The following ENTR1 variants were observed in gnomAD, a reference collection of about 807,000 sequenced individuals.
ENTR1 encodes endosome-associated-trafficking regulator 1.
In ENTR1, 47 loss-of-function variants were observed where a neutral mutation model predicts 47.9. The ratio of observed to expected loss-of-function variants is 0.98; its 90% CI spans 0.78 to 1.25. ENTR1 has a LOEUF of 1.25. Among genes scored for constraint, ENTR1 ranks in the 50% most tolerant of loss-of-function variants. The probability of loss-of-function intolerance (pLI) is 0.00; values close to 1 mark genes in which losing one functional copy is unlikely to be tolerated. For missense variants in ENTR1, 668 were observed against 570.5 expected (o/e 1.17, Z -1.74); for synonymous variants, 290 against 245.8 (o/e 1.18, Z -1.68).
At chr9:136,406,006 AAGTC>A in intron 5 of ENTR1, 28 bp from the exon 6 acceptor site, 1 of 1,562,118 alleles carries the variant, frequency 6.4e-7, no homozygotes, top group Non-Finnish European at 8.7e-7. Context: ...CCTTATTAGA[AAGTC>A]AGCATGTCTG....
chr9:136,402,823 T>A lies in ENTR1; in HGVS notation c.1273A>T (p.Ile425Phe). 6.2e-7 allele frequency: 1 copy of A among 1,612,994 alleles called. No individual in the cohort carries two copies. Among genetic ancestry groups the A allele is most frequent in the Non-Finnish European group, 8.5e-7 (1 of 1,179,764 alleles). ...TCCTCCTCGTCTTTAACTTCAGAAA[T>A]TCTGTCTATAGATTTAAGGATTTCG... is the stretch of plus-strand genomic sequence containing the variant. The part of the protein sequence containing the change: ...VAEILKSIDR[I>F]SEVKDEEEDS Residue 425 changes from isoleucine (I) to phenylalanine (F), a missense_variant, in exon 10 of 10, where the codon ATT (isoleucine) becomes TTT (phenylalanine). Transcript: ENST00000357365.
intron 9 of ENTR1, among the ~76,000 whole-genome samples, chr9:136,403,836 G>A (rs550762728): frequency 4.6e-5 from 7 of 152,292 alleles, no homozygotes; most frequent in South Asian, 2.1e-4. Flanking sequence ...GCACCTCCCA[G>A]GTGGGATCAG....
intron 6 of ENTR1, among the ~76,000 whole-genome samples, 158 bp downstream of exon 6, chr9:136,405,747 A>C (rs1834733277): frequency 1.3e-5 from 2 of 152,178 alleles, no homozygotes; most frequent in African/African-American, 4.8e-5. Flanking sequence ...CTCAAAATAA[A>C]CTTTTAGGCA....
chr9:136,410,224 T>G lies in ENTR1; in HGVS notation c.86A>C (p.Glu29Ala). ...LAIPDAPAFY[E>A]RRSCLPQLNC... is the part of the protein sequence containing the mutation. ...TAGCTGGGGGAGACAAGACCGGCGC[T>G]CATAGAACGCTGGAGCTGGAAGCAA... The change falls in exon 2 of 10, where the codon GAG (glutamate) becomes GCG (alanine). Residue 29 changes from glutamate (E) to alanine (A), a missense_variant. Glu to Ala is a moderately radical substitution (Grantham distance 107). Transcript: ENST00000357365. 6.3e-7 allele frequency: 1 copy of G among 1,584,396 alleles called. No homozygotes were observed. The highest frequency in any genetic ancestry group is 8.6e-7 in the Non-Finnish European group (1 of 1,166,608).
Position 136,408,976 on chromosome 9 carries a change from A to G in ENTR1, c.289+23T>C, listed in dbSNP as rs201265283. On this transcript the variant is annotated intron_variant, in intron 3 of 9. Transcript: ENST00000357365. Reference sequence around the variant, plus strand: ...CACTGTGTTGGATGGAGACAAGAAGAAAAGGTTGCTGAACTACTCTACCTC... The same window carrying G: ...CACTGTGTTGGATGGAGACAAGAAGGAAAGGTTGCTGAACTACTCTACCTC... The G allele has an allele frequency of 8.2e-5, 132 of 1,606,324 alleles. 1 individual carries two copies. In the African/African-American group the frequency reaches 1.4e-3, roughly 17 times the overall value.
rs1834638415 is a variant in ENTR1 at position 136,404,058 on chromosome 9, A to T, written c.1205T>A (p.Ile402Asn). The change falls in exon 9 of 10, where the codon ATC becomes AAC. Residue 402 changes from isoleucine to asparagine, a missense_variant. Coordinates refer to ENST00000357365, the MANE Select transcript of ENTR1 (RefSeq NM_001039707.2). ...RVVMNSAQAS[I>N]KQLVSGAETL... ...CCGGTGCCTCCCAGGCACTCACTTG[A>T]TGGAAGCCTGTGCACTGTTCATGAC... 6.3e-7 allele frequency: 1 copy of T among 1,584,156 alleles called. No homozygotes were observed. The highest frequency in any genetic ancestry group is 8.6e-7 in the Non-Finnish European group (1 of 1,161,962).
chr9:136,405,871 T>C (rs1377985256), intron 6 of ENTR1, 34 bp downstream of exon 6: 2 of 1,351,566 alleles, frequency 1.5e-6, no homozygotes, highest in Non-Finnish European at 2.1e-6. Context: ...TATTAGATGT[T>C]GTGGATTGCA....
chr9:136,409,974 C>G, intron 2 of ENTR1, 116 bp downstream of exon 2: 2 of 1,275,114 alleles, frequency 1.6e-6, no homozygotes, highest in Non-Finnish European at 2.3e-6. Context: ...GTGCCTGGCA[C>G]GCAGTGAGCG....
rs896593409 is a variant in ENTR1 at position 136,406,666 on chromosome 9, A to G, written c.819+479T>C. Among the ~76,000 whole-genome samples, 78 of 150,308 alleles carry G rather than the reference A, an allele frequency of 5.2e-4. 2 individuals carry two copies. The highest frequency in any genetic ancestry group is 6.0e-4 in the East Asian group (3 of 4,984). On this transcript the variant is annotated intron_variant, in intron 5 of 9. Coordinates refer to ENST00000357365, the MANE Select transcript of ENTR1 (RefSeq NM_001039707.2). ...TAATTTTTGTATTTTCAGTAGAGAC[A>G]GGGTTTCACCATGTTGGCCAGGCTG...
Position 136,406,084 on chromosome 9 carries a change from G to T in ENTR1, c.820-106C>A. Reference sequence around the variant, plus strand: ...GCCTCCTGATAAGCAGAGATGCTGGGTCAGTGCAGCATCCACCTGCAGCCA... The same window carrying T: ...GCCTCCTGATAAGCAGAGATGCTGGTTCAGTGCAGCATCCACCTGCAGCCA... On this transcript the variant is annotated intron_variant, in intron 5 of 9. Coordinates refer to ENST00000357365, the MANE Select transcript of ENTR1 (RefSeq NM_001039707.2). 4 of 735,260 alleles carry T rather than the reference G, an allele frequency of 5.4e-6. No homozygotes were observed. In the East Asian group the frequency reaches 1.1e-4, roughly 21 times the overall value. 45.5% of individuals were successfully genotyped at this position (735,260 alleles called of 1,614,324 possible).
chr9:136,406,612 G>A (rs1353153685), intron 5 of ENTR1, among the ~76,000 whole-genome samples: 1 of 151,894 alleles, frequency 6.6e-6, no homozygotes, highest in Non-Finnish European at 1.5e-5. Context: ...AAGTAGCTGG[G>A]ACTACAGGCG....
intron 9 of ENTR1, 151 bp from the exon 10 acceptor site, chr9:136,403,038 CGAGGGTTTCCAGGGGGAAGAATGGG>C (rs1564403834): frequency 1.4e-5 from 1 of 73,168 alleles, no homozygotes; most frequent in Admixed American, 1.9e-4. Context: ...GGGAGGAAGG[CGAGGGTTTCCAGGGGGAAGAATGGG>C]GAGGGTTTCC....
chr9:136,409,942 G>A, intron 2 of ENTR1, 148 bp downstream of exon 2: 1 of 951,320 alleles, frequency 1.1e-6, no homozygotes, highest in East Asian at 2.6e-5. Flanking sequence ...TCCTAGCAGG[G>A]GACTCCGCCT....
In ENTR1 at chr9:136,403,801, T is replaced by G. The variant is rs539867112; in HGVS notation, c.1208+254A>C. The stretch of plus-strand genomic sequence containing the variant: ...CGCCCACATGGGGTGGGGCTGAGGT[T>G]CAGTGCAGGGTGCTGTGGCTGTCTG... On this transcript the variant is annotated intron_variant, in intron 9 of 9. Transcript: ENST00000357365. Among the ~76,000 whole-genome samples the G allele has an allele frequency of 3.9e-5, 6 of 152,128 alleles. No individual in the cohort carries two copies. The South Asian group carries it at 1.2e-3, about 31-fold the overall frequency.
chr9:136,404,333 T>G, intron 8 of ENTR1, 139 bp from the exon 9 acceptor site: 1 of 1,183,914 alleles, frequency 8.4e-7, no homozygotes, highest in Non-Finnish European at 1.2e-6. Context: ...GGCTCGCCTC[T>G]GGGACTGGGG....
At chr9:136,406,973 A>C in intron 5 of ENTR1, 172 bp downstream of exon 5, 3 of 650,372 alleles carry the variant, frequency 4.6e-6, no homozygotes, top group Non-Finnish European at 5.2e-6. Flanking sequence ...TTCTATTCCC[A>C]CGTGTAACCA....
chr9:136,404,327 C>T (rs1238792200), intron 8 of ENTR1, 133 bp from the exon 9 acceptor site: 12 of 1,246,238 alleles, frequency 9.6e-6, no homozygotes, highest in Admixed American at 4.6e-5. Context: ...ACTGGGGGCT[C>T]GCCTCTGGGA....
rs779863698 is a variant in ENTR1, at chr9:136,402,817, C to T, written c.1279G>A (p.Glu427Lys). 3.1e-6 allele frequency: 5 copies of T among 1,613,056 alleles called. No individual in the cohort carries two copies. The East Asian group carries it at 1.1e-4, about 36-fold the overall frequency. ...GAGTCTTCCTCCTCGTCTTTAACTT[C>T]AGAAATTCTGTCTATAGATTTAAGG... ...EILKSIDRIS[E>K]VKDEEEDS The change falls in exon 10 of 10, where the codon GAA becomes AAA. Residue 427 changes from glutamate to lysine, a missense_variant. Physicochemically the swap from Glu to Lys is moderately conservative, Grantham distance 56. Transcript: ENST00000357365.
At chr9:136,408,602 C>T (rs1204967511) in intron 3 of ENTR1, among the ~76,000 whole-genome samples, 2 of 152,108 alleles carry the variant, frequency 1.3e-5, no homozygotes, top group Non-Finnish European at 2.9e-5. Flanking sequence ...ACAACCAGCT[C>T]CTCAGGTGCT....
Sources: gnomAD v4.1 joint callset for allele counts (sites outside exome capture counted in the v4.1 genomes callset) on GRCh38, gnomAD v4.1.1 for gene constraint, MANE v1.5 for transcripts, NCBI Gene and HGNC (gene_info 2026-07-23, HGNC 2026-07-21) for gene names.